Variants in DBN1 observed in about 807,000 individuals in gnomAD.
DBN1 encodes drebrin.
A neutral mutation model predicts 83.5 loss-of-function variants in DBN1; 21 were observed. The observed-to-expected ratio is 0.25, with a 90% CI of 0.18 to 0.36. The LOEUF is 0.36. Among genes scored for constraint, DBN1 ranks in the 10% least tolerant of loss-of-function variants. DBN1 has a pLI of 1.00. For missense variants in DBN1, 874 were observed against 935.7 expected (o/e 0.93, Z 0.86); for synonymous variants, 381 against 384.9 (o/e 0.99, Z 0.12).
Position 177,458,255 on chromosome 5 carries a change from A to G in DBN1, c.1717T>C (p.Cys573Arg). Residue 573 changes from cysteine (C) to arginine (R), a missense_variant, in exon 13 of 15, where the codon TGT (cysteine) becomes CGT (arginine). Physicochemically the swap from Cys to Arg is radical, Grantham distance 180. Around this residue, in one of 4 missense-constraint regions of DBN1, gnomAD observed 725 missense variants for 719.7 expected, o/e 1.01. Coordinates refer to ENST00000393565, the MANE Select transcript of DBN1 (RefSeq NM_001363541.2). ...PEPLLPAGEG[C>R]ATLLNFDELP... ...TCATCAAAGTTGAGAAGGGTGGCAC[A>G]GCCTTCGCCTGCTGGCAGCAGTGGC... 2 of 1,613,724 alleles carry G rather than the reference A, an allele frequency of 1.2e-6. No individual in the cohort carries two copies. The highest frequency in any genetic ancestry group is 1.7e-6 in the Non-Finnish European group (2 of 1,179,906).
At chr5:177,472,891 C>T in intron 1 of DBN1, 6 of 975,604 alleles carry the variant, frequency 6.2e-6, no homozygotes, top group East Asian at 1.1e-4. Context: ...CGGCCCACTC[C>T]GAGAGGCCCC....
chr5:177,461,094 C>CTTTTTTTTTT (rs1212164434), intron 8 of DBN1, among the ~76,000 whole-genome samples: 2 of 90,692 alleles, frequency 2.2e-5, no homozygotes, highest in Non-Finnish European at 2.1e-5. Context: ...TTCTGGCCTT[C>CTTTTTTTTTT]TTTTTTTTTT....
chr5:177,459,827 A>G, intron 10 of DBN1, 87 bp from the exon 11 acceptor site: 1 of 1,359,610 alleles, frequency 7.4e-7, no homozygotes, highest in Non-Finnish European at 9.6e-7. Context: ...TCCCGCCCCC[A>G]GGGCCTGGCC....
chr5:177,465,065 A>G (rs1296207758), intron 8 of DBN1, among the ~76,000 whole-genome samples: 1 of 152,214 alleles, frequency 6.6e-6, no homozygotes, highest in East Asian at 1.9e-4. Context: ...AGGCAGGAGA[A>G]TGGTGTGAAC....
At position 177,467,335 on chromosome 5, in the gene DBN1, G is replaced by A; in HGVS notation, c.478-3C>T. 1.9e-6 allele frequency: 3 copies of A among 1,614,174 alleles called. No individual in the cohort carries two copies. Among genetic ancestry groups the A allele is most frequent in the South Asian group, 1.1e-5 (1 of 91,086 alleles). ...TCCGTCTTCTGGTAGGTGGTGCCCT[G>A]CAGTGTCGAAGGACCCAGCATAAGC... On this transcript the variant is annotated splice_region_variant and splice_polypyrimidine_tract_variant and intron_variant, in intron 5 of 14. Coordinates refer to ENST00000393565, the MANE Select transcript of DBN1 (RefSeq NM_001363541.2). The surrounding 1 kb of genome is among the most constrained non-coding windows in gnomAD (Gnocchi z 9.1).
At chr5:177,459,342 T>G in intron 11 of DBN1, 74 bp from the exon 12 acceptor site, 1 of 1,551,158 alleles carries the variant, frequency 6.4e-7, no homozygotes. Flanking sequence ...CCTTGGGGCC[T>G]GGCCAGCACC....
At chr5:177,462,816 T>A (rs989949082) in intron 8 of DBN1, among the ~76,000 whole-genome samples, 5 of 152,150 alleles carry the variant, frequency 3.3e-5, no homozygotes, top group Middle Eastern at 3.2e-3. Flanking sequence ...AGTGATAACT[T>A]TGTGACCCCC....
chr5:177,467,725 C>G lies in DBN1; in HGVS notation c.330+18G>C, dbSNP rs1757551401. The G allele has an allele frequency of 6.4e-7, 1 of 1,552,714 alleles. No homozygotes were observed. The highest frequency in any genetic ancestry group is 2.4e-5 in the East Asian group (1 of 41,022). On this transcript the variant is annotated intron_variant, in intron 4 of 14. Coordinates refer to ENST00000393565, the MANE Select transcript of DBN1 (RefSeq NM_001363541.2). The surrounding 1 kb of genome is among the most constrained non-coding windows in gnomAD (Gnocchi z 9.1). ...GTGGCTGTCCCCACCCCCAAGAGCG[C>G]TGGCCCCTGACACGCACCTGGAAGA...
At chr5:177,464,122 GATAAATAAATAAAAATAA>G in intron 8 of DBN1, among the ~76,000 whole-genome samples, 1 of 149,844 alleles carries the variant, frequency 6.7e-6, no homozygotes, top group Non-Finnish European at 1.5e-5. Flanking sequence ...TCTTAAAAAA[GATAAATAAATAAAAATAA>G]ATAAATAAAT....
chr5:177,465,684 A>T (rs891860468), intron 8 of DBN1, among the ~76,000 whole-genome samples: 1 of 151,928 alleles, frequency 6.6e-6, no homozygotes, highest in Non-Finnish European at 1.5e-5. Context: ...GGTGAAACCC[A>T]GTCTCTACAA....
Position 177,466,678 on chromosome 5 carries a change from C to T in DBN1, c.771+94G>A. 1.4e-6 allele frequency: 2 copies of T among 1,425,332 alleles called. No individual in the cohort carries two copies. Among genetic ancestry groups the T allele is most frequent in the Non-Finnish European group, 2.0e-6 (2 of 1,008,548 alleles). The allele number at this position is 1,425,332 out of a possible 1,614,324, so 88.3% of individuals were successfully genotyped here. A position where few individuals can be genotyped will look rare whatever the true frequency, so the allele number is the denominator to read the frequency against. On this transcript the variant is annotated intron_variant, in intron 8 of 14. Coordinates refer to ENST00000393565, the MANE Select transcript of DBN1 (RefSeq NM_001363541.2). This position sits in a 1 kb window ranked among gnomAD's most constrained non-coding sequence, Gnocchi z 4.8. ...AGCTCCCCAGAACAGCCACCACTGT[C>T]CCTGAGCCACTGATCTCCCCACAAG...
rs1758006085 is a variant in DBN1, at chr5:177,473,580, G to A, written c.-59C>T. 1 of 1,221,984 alleles carries A rather than the reference G, an allele frequency of 8.2e-7. No individual in the cohort carries two copies. 75.7% of individuals were successfully genotyped at this position (1,221,984 alleles called of 1,614,324 possible). ...CGCGGACGGACGGGCGGACGGAGGA[G>A]GAGGGAGGGAAAGAGGGAGTCGCCG... On this transcript the variant is annotated 5_prime_UTR_variant, in exon 1 of 15. Transcript: ENST00000393565.
chr5:177,473,583 G>A lies in DBN1; in HGVS notation c.-62C>T, dbSNP rs1758006342. ...GGACGGACGGGCGGACGGAGGAGGA[G>A]GGAGGGAAAGAGGGAGTCGCCGCCG... On this transcript the variant is annotated 5_prime_UTR_variant, in exon 1 of 15. Transcript: ENST00000393565. 1.7e-6 allele frequency: 2 copies of A among 1,208,746 alleles called. No individual in the cohort carries two copies. The highest frequency in any genetic ancestry group is 2.1e-6 in the Non-Finnish European group (2 of 939,488). 74.9% of individuals were successfully genotyped at this position (1,208,746 alleles called of 1,614,324 possible).
At position 177,468,872 on chromosome 5, in the gene DBN1, G is replaced by C. The variant is rs541935115; in HGVS notation, c.114C>G (p.Ser38=). 1.5e-6 allele frequency: 2 copies of C among 1,321,030 alleles called. No individual in the cohort carries two copies. Among genetic ancestry groups the C allele is most frequent in the Non-Finnish European group, 1.9e-6 (2 of 1,026,296 alleles). The allele number at this position is 1,321,030 out of a possible 1,614,324, so 81.8% of individuals were successfully genotyped here. ...DWALYTYEDG[S]DDLKLAASGE... is the part of the protein sequence containing the mutation. ...CTGATGCTGCAAGCTTGAGGTCATC[G>C]GAGCCATCTTCATATGTGTACAGAG... Residue 38 remains serine (S), a synonymous_variant, in exon 2 of 15, where the codon TCC becomes TCG. Coordinates refer to ENST00000393565, the MANE Select transcript of DBN1 (RefSeq NM_001363541.2).
chr5:177,460,639 C>T lies in DBN1; in HGVS notation c.831+5G>A. Reference sequence around the variant, plus strand: ...CCTCACCTGGCTGGTGCCCCCAGCTCTCACCTCCACCTCCGACTCTGACTT... The same window carrying T: ...CCTCACCTGGCTGGTGCCCCCAGCTTTCACCTCCACCTCCGACTCTGACTT... On this transcript the variant is annotated splice_donor_5th_base_variant and intron_variant, in intron 9 of 14. Transcript: ENST00000393565. The T allele has an allele frequency of 6.2e-7, 1 of 1,614,182 alleles. No individual in the cohort carries two copies. The highest frequency in any genetic ancestry group is 8.5e-7 in the Non-Finnish European group (1 of 1,180,030).
At chr5:177,469,850 A>T (rs1379633083) in intron 1 of DBN1, among the ~76,000 whole-genome samples, 1 of 152,224 alleles carries the variant, frequency 6.6e-6, no homozygotes, top group Non-Finnish European at 1.5e-5. Context: ...TTGTCCCTGA[A>T]GTTTGAAAGG....
rs1581739681 is a variant in DBN1 at position 177,471,898 on chromosome 5, G to C, written c.86+1538C>G. Among the ~76,000 whole-genome samples the C allele has an allele frequency of 3.9e-5, 6 of 152,078 alleles. No homozygotes were observed. In the South Asian group the frequency reaches 1.2e-3, roughly 32 times the overall value. On this transcript the variant is annotated intron_variant, in intron 1 of 14. Coordinates refer to ENST00000393565, the MANE Select transcript of DBN1 (RefSeq NM_001363541.2). The stretch of plus-strand genomic sequence containing the variant: ...TGCTTTTAGGAGAAAATGGGGTGTT[G>C]GTAGACAACACCCCTCCAGGCTGGA...
Position 177,458,474 on chromosome 5 carries a change from C to G in DBN1, c.1498G>C (p.Glu500Gln). 1 of 1,613,794 alleles carries G rather than the reference C, an allele frequency of 6.2e-7. No homozygotes were observed. The highest frequency in any genetic ancestry group is 8.5e-7 in the Non-Finnish European group (1 of 1,179,642). ...GTGTCAGCAGTGGCAGTGTCAGTTT[C>G]AATGGTGTCAGCTGCATCGTGGATC... is the stretch of plus-strand genomic sequence containing the variant. ...TEIHDAADTI[E>Q]TDTATADTTV... The change falls in exon 13 of 15, where the codon GAA (glutamate) becomes CAA (glutamine). Residue 500 changes from glutamate (E) to glutamine (Q), a missense_variant. By Grantham distance (29) the Glu-to-Gln change is conservative. Transcript: ENST00000393565.
rs1279907427 is a variant in DBN1 at position 177,457,764 on chromosome 5, G to A, written c.1915-7C>T. The A allele has an allele frequency of 6.3e-7, 1 of 1,589,738 alleles. No homozygotes were observed. Among genetic ancestry groups the A allele is most frequent in the Non-Finnish European group, 8.6e-7 (1 of 1,159,078 alleles). On this transcript the variant is annotated splice_region_variant and splice_polypyrimidine_tract_variant and intron_variant, in intron 13 of 14. Coordinates refer to ENST00000393565, the MANE Select transcript of DBN1 (RefSeq NM_001363541.2). The stretch of plus-strand genomic sequence containing the variant: ...TGAAGTACCCCTCACTGGCCTGCAG[G>A]GGAAAGCATCAGGTCACTTGGCCCC...
Sources: gnomAD v4.1 joint callset for allele counts (sites outside exome capture counted in the v4.1 genomes callset) on GRCh38, gnomAD v4.1.1 for gene constraint, gnomAD v4.1.1 regional missense constraint, Gnocchi (gnomAD v3.1) non-coding constraint, MANE v1.5 for transcripts, NCBI Gene and HGNC (gene_info 2026-07-23, HGNC 2026-07-21) for gene names.